APBB2: variants seen among roughly 807,000 people sequenced by gnomAD.
The protein encoded by APBB2 is amyloid beta precursor protein binding family B member 2.
In APBB2, 38 loss-of-function variants were observed where a neutral mutation model predicts 82.5. The ratio of observed to expected loss-of-function variants is 0.46; its 90% CI spans 0.36 to 0.60. APBB2 has a LOEUF of 0.60. Ranked by LOEUF, APBB2 falls within the 20% of genes least tolerant of loss-of-function variation. APBB2 has a pLI of 0.00. For synonymous variants in APBB2, 341 were observed against 368.2 expected (o/e 0.93, Z 0.85); for missense variants, 772 against 972.3 (o/e 0.79, Z 2.74).
intron 12 of APBB2, among the ~76,000 whole-genome samples, chr4:40,831,291 C>G (rs1342164657): frequency 6.6e-6 from 1 of 152,028 alleles, no homozygotes; most frequent in East Asian, 1.9e-4. Context: ...CCCAGCAACT[C>G]TGGAGGCTGA....
Position 40,898,005 on chromosome 4 carries a change from G to C in APBB2, c.1255-4594C>G, listed in dbSNP as rs561203646. Among the ~76,000 whole-genome samples the C allele has an allele frequency of 7.2e-5, 11 of 152,206 alleles. No individual in the cohort carries two copies. The South Asian group carries it at 2.3e-3, about 32-fold the overall frequency. Reference sequence around the variant, plus strand: ...ATTCTTCAATAGTTCTTAACCAAAAGGGCAAAAGAGTAATGGTTCAGGGTA... The same window carrying C: ...ATTCTTCAATAGTTCTTAACCAAAACGGCAAAAGAGTAATGGTTCAGGGTA... On this transcript the variant is annotated intron_variant, in intron 10 of 17. Coordinates refer to ENST00000508593, the MANE Select transcript of APBB2 (RefSeq NM_004307.2).
At chr4:41,068,383 T>C (rs1732657451) in intron 3 of APBB2, among the ~76,000 whole-genome samples, 1 of 152,154 alleles carries the variant, frequency 6.6e-6, no homozygotes, top group Admixed American at 6.5e-5. Flanking sequence ...AATCTGGCTA[T>C]AGTAAGTTCA....
chr4:40,821,828 G>A (rs1329215160), intron 17 of APBB2, 43 bp downstream of exon 17: 14 of 1,603,764 alleles, frequency 8.7e-6, no homozygotes, highest in Non-Finnish European at 1.2e-5. Context: ...TTAGAGATGA[G>A]CAGAGGCGGG....
intron 1 of APBB2, among the ~76,000 whole-genome samples, chr4:41,150,835 G>T (rs1269809011): frequency 1.3e-5 from 2 of 152,172 alleles, no homozygotes; most frequent in Non-Finnish European, 2.9e-5. Context: ...CCACCTACCA[G>T]GTTCAAGCGA....
At chr4:41,197,344 C>A in intron 1 of APBB2, among the ~76,000 whole-genome samples, 1 of 152,116 alleles carries the variant, frequency 6.6e-6, no homozygotes, top group Admixed American at 6.5e-5. Context: ...ATTTGATGAG[C>A]CTTCTTAATG....
chr4:40,907,369 ATATATATATAT>A (rs1304551977), intron 10 of APBB2, among the ~76,000 whole-genome samples: 166 of 87,378 alleles, frequency 1.9e-3, no homozygotes, highest in Non-Finnish European at 2.4e-3. Context: ...ATATATATAT[ATATATATATAT>A]TTTTTTTTTT....
intron 12 of APBB2, among the ~76,000 whole-genome samples, chr4:40,830,916 A>G (rs1161641285): frequency 1.3e-5 from 2 of 152,010 alleles, no homozygotes; most frequent in Admixed American, 6.6e-5. Context: ...ATCAAAAAAA[A>G]CCAAAACCAA....
At chr4:40,933,074 G>C (rs576552875) in intron 10 of APBB2, among the ~76,000 whole-genome samples, 3 of 152,200 alleles carry the variant, frequency 2.0e-5, no homozygotes, top group Non-Finnish European at 2.9e-5. Context: ...ATGTTGGCCA[G>C]TCTGGGCTTG....
intron 10 of APBB2, among the ~76,000 whole-genome samples, chr4:40,913,027 G>T (rs1778952312): frequency 6.6e-6 from 1 of 152,220 alleles, no homozygotes; most frequent in South Asian, 2.1e-4. Context: ...GCTGAGAAAC[G>T]TTATTTGCAG....
At chr4:41,014,513 A>T (rs562420432) in intron 5 of APBB2, 115 bp from the exon 6 acceptor site, 1 of 984,224 alleles carries the variant, frequency 1.0e-6, no homozygotes, top group South Asian at 1.4e-5. Context: ...CTGCACATAC[A>T]TTCTCATAGA....
intron 3 of APBB2, among the ~76,000 whole-genome samples, chr4:41,074,625 T>G (rs1453565247): frequency 6.7e-6 from 1 of 149,954 alleles, no homozygotes; most frequent in Non-Finnish European, 1.5e-5. Flanking sequence ...TTTTTTTTTT[T>G]TTGAGATGGA....
intron 6 of APBB2, among the ~76,000 whole-genome samples, chr4:41,004,073 A>T (rs941226105): frequency 1.4e-4 from 20 of 142,130 alleles, no homozygotes; most frequent in African/African-American, 4.9e-4. Context: ...TTTATTACTA[A>T]TTTTTTTTTT....
chr4:41,138,596 G>A (rs548024064), intron 2 of APBB2, among the ~76,000 whole-genome samples: 21 of 152,274 alleles, frequency 1.4e-4, no homozygotes, highest in African/African-American at 4.8e-4. Flanking sequence ...GAAGCTCAAT[G>A]ACTGAATAAC....
At chr4:41,025,269 A>C (rs943209257) in intron 5 of APBB2, among the ~76,000 whole-genome samples, 2 of 152,242 alleles carry the variant, frequency 1.3e-5, no homozygotes, top group Non-Finnish European at 2.9e-5. Flanking sequence ...TTGGCCAAGA[A>C]GCATATGAAA....
chr4:41,013,829 C>T lies in APBB2; in HGVS notation c.589G>A (p.Ala197Thr), dbSNP rs200541512. 9.3e-6 allele frequency: 15 copies of T among 1,614,046 alleles called. No homozygotes were observed. Among genetic ancestry groups the T allele is most frequent in the Non-Finnish European group, 1.3e-5 (15 of 1,180,040 alleles). The change falls in exon 6 of 18, where the codon GCC becomes ACC. Residue 197 changes from alanine to threonine, a missense_variant. Physicochemically the swap from Ala to Thr is moderately conservative, Grantham distance 58 (BLOSUM62 0). Transcript: ENST00000508593. ...TCGCCATTCCCAATGATGGTGGAGG[C>T]CTGGCCCTGGACTGGCTGGGATTTC... ...EEKSQPVQGQ[A>T]STIIGNGDLL...
chr4:41,196,599 C>CT, intron 1 of APBB2, among the ~76,000 whole-genome samples: 16,212 of 99,714 alleles, frequency 0.16, 1,579 homozygotes, highest in African/African-American at 0.23. Flanking sequence ...AAGCCCCCTG[C>CT]TTTTTTTTTT....
At chr4:40,873,204 A>G (rs1420480929) in intron 12 of APBB2, among the ~76,000 whole-genome samples, 1 of 152,184 alleles carries the variant, frequency 6.6e-6, no homozygotes, top group African/African-American at 2.4e-5. Context: ...GGGGCCTAAG[A>G]GAATGACTGA....
Position 40,832,783 on chromosome 4 carries a change from T to C in APBB2, c.1530-2206A>G, listed in dbSNP as rs1355535541. Reference sequence around the variant, plus strand: ...TTCCCCTCAACACTCTGCAGCTCCATGAAGACGACTGTGCCTAACTCATCC... The same window carrying C: ...TTCCCCTCAACACTCTGCAGCTCCACGAAGACGACTGTGCCTAACTCATCC... On this transcript the variant is annotated intron_variant, in intron 12 of 17. Transcript: ENST00000508593. The surrounding 1 kb of genome is among the most constrained non-coding windows in gnomAD (Gnocchi z 4.8). Among the ~76,000 whole-genome samples the C allele has an allele frequency of 3.9e-5, 6 of 152,308 alleles. No individual in the cohort carries two copies. The East Asian group carries it at 9.6e-4, about 24-fold the overall frequency.
chr4:41,167,519 C>A (rs954297229), intron 1 of APBB2, among the ~76,000 whole-genome samples: 1 of 152,042 alleles, frequency 6.6e-6, no homozygotes. Flanking sequence ...GGGACAAAAA[C>A]CAAATGTTAA....
Sources: gnomAD v4.1 joint callset for allele counts (sites outside exome capture counted in the v4.1 genomes callset) on GRCh38, gnomAD v4.1.1 for gene constraint, Gnocchi (gnomAD v3.1) non-coding constraint, MANE v1.5 for transcripts, NCBI Gene and HGNC (gene_info 2026-07-23, HGNC 2026-07-21) for gene names.